Variants in CCNJ observed in about 807,000 individuals in gnomAD.
The protein encoded by CCNJ is cyclin-J.
In CCNJ, 12 loss-of-function variants were observed where a neutral mutation model predicts 41.4. That is an observed-to-expected ratio of 0.29 (90% CI 0.19 to 0.47). The LOEUF (loss-of-function observed/expected upper bound fraction) is 0.47. Among genes scored for constraint, CCNJ ranks in the 20% least tolerant of loss-of-function variants. The pLI, the probability that CCNJ is intolerant of heterozygous loss-of-function variation, is 1.00. For synonymous variants in CCNJ, 161 were observed against 173.4 expected, an observed-to-expected ratio of 0.93 and a Z score of 0.56; for missense variants, 340 against 464.6, an observed-to-expected ratio of 0.73 and a Z score of 2.47.
At chr10:96,044,630 G>A (rs2080310608) in intron 2 of CCNJ, among the ~76,000 whole-genome samples, 168 bp downstream of exon 2, 1 of 152,180 alleles carries the variant, frequency 6.6e-6, no homozygotes, top group Non-Finnish European at 1.5e-5. Context: ...CTCCTTCTCT[G>A]GGATGTATCA....
Position 96,059,549 on chromosome 10 carries a change from TTGTAATAACTGATAAAC to T in CCNJ, c.*1313_*1329del, listed in dbSNP as rs1450156730. ...ATAACCTTAAAAAGTTAAAAAGTCA[TTGTAATAACTGATAAAC>T]TGTATACATTGTGCTCCTTTCTGTG... On this transcript the variant is annotated 3_prime_UTR_variant, in exon 6 of 6. Transcript: ENST00000465148. 6.6e-6 allele frequency: 1 copy of T among 152,122 alleles called. No homozygotes were observed. The highest frequency in any genetic ancestry group is 2.4e-5 in the African/African-American group (1 of 41,412). The allele number at this position is 152,122 out of a possible 1,614,324, so 9.4% of individuals were successfully genotyped here. A position where few individuals can be genotyped will look rare whatever the true frequency, so the allele number is the denominator to read the frequency against.
Position 96,058,560 on chromosome 10 carries a change from TTGACCTGTGGTAGCATC to T in CCNJ, c.*322_*338del, listed in dbSNP as rs1564709360. The T allele has an allele frequency of 2.2e-6, 1 of 455,672 alleles. No individual in the cohort carries two copies. Among genetic ancestry groups the T allele is most frequent in the Non-Finnish European group, 3.9e-6 (1 of 258,786 alleles). 28.2% of individuals were successfully genotyped at this position (455,672 alleles called of 1,614,324 possible). On this transcript the variant is annotated 3_prime_UTR_variant, in exon 6 of 6. Coordinates refer to ENST00000465148, the MANE Select transcript of CCNJ (RefSeq NM_001134375.2). ...AGACTTCAATTTGCCATTTTGAGATTTGACCTGTGGTAGCATCTGGGCCTAATGTTGGCTTCTAAGTC... is the reference window on the plus strand; with the variant it reads ...AGACTTCAATTTGCCATTTTGAGATTTGGGCCTAATGTTGGCTTCTAAGTC...
intron 1 of CCNJ, 77 bp from the exon 2 acceptor site, chr10:96,044,276 G>C: frequency 1.4e-6 from 1 of 732,272 alleles, no homozygotes; most frequent in East Asian, 3.3e-5. Flanking sequence ...GGTGGCCTGA[G>C]GTCACACCCC....
intron 2 of CCNJ, among the ~76,000 whole-genome samples, chr10:96,049,481 C>CTTTT (rs150769179): frequency 5.5e-5 from 6 of 108,284 alleles, no homozygotes; most frequent in East Asian, 2.7e-4. Context: ...TTTTCTTTTT[C>CTTTT]TTTTTTTTTT....
intron 2 of CCNJ, among the ~76,000 whole-genome samples, chr10:96,045,620 C>A (rs987374945): frequency 6.6e-6 from 1 of 151,550 alleles, no homozygotes; most frequent in Admixed American, 6.6e-5. Flanking sequence ...AATGGGATCT[C>A]TGGAGTGTTA....
At chr10:96,047,610 C>G (rs2142032587) in intron 2 of CCNJ, among the ~76,000 whole-genome samples, 1 of 152,254 alleles carries the variant, frequency 6.6e-6, no homozygotes, top group Non-Finnish European at 1.5e-5. Flanking sequence ...TGTACTCCAG[C>G]CTGGGCTACA....
Position 96,058,032 on chromosome 10 carries a change from G to A in CCNJ, c.943G>A (p.Val315Ile). ...AGAACAACCAAGCTGTCAGCAGATT[G>A]TATCGACCACACACACCTCATCTTA... The part of the protein sequence containing the change: ...TSEQPSCQQI[V>I]STTHTSSYTL... The change falls in exon 6 of 6, where the codon GTA becomes ATA. Residue 315 changes from valine (V) to isoleucine (I), a missense_variant. Val to Ile is a conservative substitution (Grantham distance 29). This residue lies in a region of CCNJ where 159 missense variants were observed against 168.2 expected (regional missense o/e 0.95). Transcript: ENST00000465148. The A allele has an allele frequency of 3.7e-6, 6 of 1,614,132 alleles. No individual in the cohort carries two copies. The highest frequency in any genetic ancestry group is 5.1e-6 in the Non-Finnish European group (6 of 1,180,014).
upstream of CCNJ, chr10:96,043,415 C>T (rs1455810811): frequency 2.7e-6 from 1 of 370,904 alleles, no homozygotes; most frequent in Admixed American, 4.6e-5. Context: ...CTGACCGTAC[C>T]CAGGCGGGAG....
At position 96,057,993 on chromosome 10, in the gene CCNJ, C is replaced by T. The variant is rs1368573539; in HGVS notation, c.904C>T (p.Arg302Cys). Reference protein sequence around the residue: ...HQTHQTSLQYRHPTSEQPSCQ... With the variant: ...HQTHQTSLQYCHPTSEQPSCQ... ...GACACATCAGACCTCACTGCAGTAT[C>T]GCCATCCTACGTCAGAACAACCAAG... is the stretch of plus-strand genomic sequence containing the variant. The change falls in exon 6 of 6, where the codon CGC (arginine) becomes TGC (cysteine). Residue 302 changes from arginine to cysteine, a missense_variant. Arg to Cys is a radical substitution (Grantham distance 180). Around this residue, in one of 3 missense-constraint regions of CCNJ, gnomAD observed 159 missense variants for 168.2 expected, o/e 0.95. Coordinates refer to ENST00000465148, the MANE Select transcript of CCNJ (RefSeq NM_001134375.2). 3.1e-6 allele frequency: 5 copies of T among 1,614,038 alleles called. No homozygotes were observed. The highest frequency in any genetic ancestry group is 1.7e-5 in the Admixed American group (1 of 60,008).
intron 3 of CCNJ, among the ~76,000 whole-genome samples, chr10:96,052,262 A>G (rs1434058609): frequency 6.6e-6 from 1 of 152,236 alleles, no homozygotes; most frequent in African/African-American, 2.4e-5. Context: ...TAAGATTGGA[A>G]AAGCTCACAC....
rs571223970 is a variant in CCNJ at position 96,053,300 on chromosome 10, G to A, written c.280+2834G>A. Among the ~76,000 whole-genome samples the A allele has an allele frequency of 2.0e-5, 3 of 151,648 alleles. No homozygotes were observed. In the East Asian group the frequency reaches 5.8e-4, roughly 29 times the overall value. ...GAATTTCAACAACCCCTGAATCTCA[G>A]GTTATTTCTTTATAAGATGGAAATA... On this transcript the variant is annotated intron_variant, in intron 3 of 5. Transcript: ENST00000465148.
chr10:96,050,594 T>C, intron 3 of CCNJ, 128 bp downstream of exon 3: 1 of 695,678 alleles, frequency 1.4e-6, no homozygotes, highest in Non-Finnish European at 2.4e-6. Context: ...AAGAAGCTTA[T>C]GTTAAAAGTG....
chr10:96,054,302 C>G (rs1218068021), intron 3 of CCNJ, among the ~76,000 whole-genome samples: 1 of 152,102 alleles, frequency 6.6e-6, no homozygotes, highest in African/African-American at 2.4e-5. Context: ...GATAAGTAAA[C>G]TTAAAATGAA....
chr10:96,056,752 G>A lies in CCNJ; in HGVS notation c.332G>A (p.Ser111Asn), dbSNP rs2080707614. The change falls in exon 4 of 6, where the codon AGC becomes AAC. Residue 111 changes from serine (S) to asparagine (N), a missense_variant. This residue lies in a region of CCNJ where 137 missense variants were observed against 252.9 expected (regional missense o/e 0.54). Transcript: ENST00000465148. ...DSVPKLEQLN[S>N]LGCMTNMNLV... ...GTGCCTAAGCTGGAGCAGCTCAACA[G>A]CCTGGGTTGTATGACTAATATGAAT... The A allele has an allele frequency of 6.2e-7, 1 of 1,613,480 alleles. No homozygotes were observed. Among genetic ancestry groups the A allele is most frequent in the Non-Finnish European group, 8.5e-7 (1 of 1,179,750 alleles).
At chr10:96,053,864 T>C (rs1291729519) in intron 3 of CCNJ, among the ~76,000 whole-genome samples, 3 of 152,206 alleles carry the variant, frequency 2.0e-5, no homozygotes, top group Admixed American at 2.0e-4. Flanking sequence ...ATTACCTTTT[T>C]CTTTTGTTTG....
At chr10:96,051,911 T>C (rs530900904) in intron 3 of CCNJ, among the ~76,000 whole-genome samples, 18 of 152,338 alleles carry the variant, frequency 1.2e-4, no homozygotes, top group African/African-American at 3.6e-4. Context: ...CCACTGCCTA[T>C]ATATTAAGGT....
At chr10:96,044,108 T>C (rs543882075) in intron 1 of CCNJ, among the ~76,000 whole-genome samples, 1 of 152,240 alleles carries the variant, frequency 6.6e-6, no homozygotes, top group East Asian at 1.9e-4. Flanking sequence ...AGGGCCCGAG[T>C]GGATCCCCTT....
rs776735034 is a variant in CCNJ at position 96,057,871 on chromosome 10, G to A, written c.782G>A (p.Gly261Glu). ...GTGAAAGAAGCAAACAAACAGAGAG[G>A]GCAAGCAGGACCTCAGTCAGCGCAA... The part of the protein sequence containing the change: ...NDVKEANKQR[G>E]QAGPQSAQLS... Residue 261 changes from glycine to glutamate, a missense_variant, in exon 6 of 6, where the codon GGG becomes GAG. Coordinates refer to ENST00000465148, the MANE Select transcript of CCNJ (RefSeq NM_001134375.2). 3.7e-6 allele frequency: 6 copies of A among 1,613,954 alleles called. No homozygotes were observed. Among genetic ancestry groups the A allele is most frequent in the Admixed American group, 1.7e-5 (1 of 59,986 alleles).
chr10:96,044,938 T>C (rs1488097957), intron 2 of CCNJ, among the ~76,000 whole-genome samples: 1 of 152,192 alleles, frequency 6.6e-6, no homozygotes, highest in African/African-American at 2.4e-5. Context: ...ATAATGAGTG[T>C]GCCTTATGAT....
Sources: allele counts gnomAD v4.1 joint callset (sites outside exome capture counted in the v4.1 genomes callset), GRCh38; gene constraint gnomAD v4.1.1; regional missense constraint gnomAD v4.1.1; transcripts MANE v1.5; gene names NCBI Gene and HGNC (gene_info 2026-07-23, HGNC 2026-07-21).